Variants in NDST3 observed in about 807,000 individuals in gnomAD.
The protein encoded by NDST3 is N-deacetylase and N-sulfotransferase 3.
In NDST3, 58 loss-of-function variants were observed where a neutral mutation model predicts 96.1. The ratio of observed to expected loss-of-function variants is 0.60; its 90% confidence interval spans 0.49 to 0.75. NDST3 has a LOEUF of 0.75. Among genes scored for constraint, NDST3 ranks in the 30% least tolerant of loss-of-function variants. The pLI is 0.00. For synonymous variants in NDST3, 333 were observed against 359.7 expected, an observed-to-expected ratio of 0.93 and a Z score of 0.84; for missense variants, 788 against 1,034.2, an observed-to-expected ratio of 0.76 and a Z score of 3.27.
At chr4:118,058,346 A>ATGAG (rs1725601569) in intron 2 of NDST3, among the ~76,000 whole-genome samples, 1 of 150,504 alleles carries the variant, frequency 6.6e-6, no homozygotes, top group Non-Finnish European at 1.5e-5. Flanking sequence ...GTTGAATAAT[A>ATGAG]TGAGTATATT....
chr4:118,060,233 G>GC (rs1725784524), intron 2 of NDST3, among the ~76,000 whole-genome samples: 1 of 151,844 alleles, frequency 6.6e-6, no homozygotes, highest in Non-Finnish European at 1.5e-5. Flanking sequence ...GAAAATTATT[G>GC]CCTTCTATAT....
At chr4:118,246,885 T>C (rs963990840) in intron 12 of NDST3, among the ~76,000 whole-genome samples, 1 of 152,142 alleles carries the variant, frequency 6.6e-6, no homozygotes, top group Admixed American at 6.5e-5. Context: ...AAGGTGAGAT[T>C]TGGTGCGGAC....
chr4:118,137,477 A>T (rs1460429890), intron 4 of NDST3, among the ~76,000 whole-genome samples: 1 of 151,948 alleles, frequency 6.6e-6, no homozygotes, highest in Non-Finnish European at 1.5e-5. Context: ...AAAAAAAATT[A>T]CTCTGTTGAA....
intron 6 of NDST3, among the ~76,000 whole-genome samples, chr4:118,207,080 A>G (rs1738481063): frequency 7.0e-6 from 1 of 142,546 alleles, no homozygotes; most frequent in Non-Finnish European, 1.5e-5. Context: ...TTAAAAATTA[A>G]TATATTAAAT....
At chr4:118,179,956 GA>G (rs1736503683) in intron 6 of NDST3, among the ~76,000 whole-genome samples, 1 of 152,058 alleles carries the variant, frequency 6.6e-6, no homozygotes, top group African/African-American at 2.4e-5. Context: ...TCTTCAATGG[GA>G]AAATGAGGAT....
Position 118,143,595 on chromosome 4 carries a change from A to G in NDST3, c.1450A>G (p.Ile484Val), listed in dbSNP as rs757111328. ...AACCTGTGGGCTTTTCACTCACACC[A>G]TTTTCTACAAAGAATATCCAGGGGG... Reference protein sequence around the residue: ...RQTCGLFTHTIFYKEYPGGPK... With the variant: ...RQTCGLFTHTVFYKEYPGGPK... The change falls in exon 6 of 14, where the codon ATT becomes GTT. Residue 484 changes from isoleucine (I) to valine (V), a missense_variant. Ile to Val is a conservative substitution (Grantham distance 29). Around this residue, in one of 3 missense-constraint regions of NDST3, gnomAD observed 490 missense variants for 708.8 expected, o/e 0.69. Coordinates refer to ENST00000296499, the MANE Select transcript of NDST3 (RefSeq NM_004784.3). The G allele has an allele frequency of 6.2e-7, 1 of 1,609,454 alleles. No individual in the cohort carries two copies.
chr4:118,105,422 G>T (rs879204240), intron 3 of NDST3, among the ~76,000 whole-genome samples: 1 of 152,078 alleles, frequency 6.6e-6, no homozygotes, highest in Non-Finnish European at 1.5e-5. Context: ...TCAAGAAAGA[G>T]AACACTTCCA....
intron 6 of NDST3, among the ~76,000 whole-genome samples, chr4:118,164,575 C>T (rs1735418677): frequency 6.6e-6 from 1 of 152,016 alleles, no homozygotes; most frequent in African/African-American, 2.4e-5. Context: ...ACAAGAAATG[C>T]TAAAAGGAGT....
intron 6 of NDST3, among the ~76,000 whole-genome samples, chr4:118,218,791 C>T (rs1203617577): frequency 6.6e-6 from 1 of 152,050 alleles, no homozygotes; most frequent in African/African-American, 2.4e-5. Flanking sequence ...ACTTAGAAAA[C>T]CCCATCGTCT....
intron 6 of NDST3, among the ~76,000 whole-genome samples, chr4:118,220,542 C>A (rs1381952654): frequency 6.6e-6 from 1 of 151,950 alleles, no homozygotes; most frequent in Non-Finnish European, 1.5e-5. Context: ...AGGCAGCAAA[C>A]CACCATGGCA....
In NDST3 at chr4:118,207,401, C is replaced by T. The variant is rs186282278; in HGVS notation, c.1540-17090C>T. On this transcript the variant is annotated intron_variant, in intron 6 of 13. Transcript: ENST00000296499. ...TATTATGCCATGTTATGGCATGAAGCAGATGAGTGTAGATTTGCGTGCTTT... is the reference window on the plus strand; with the variant it reads ...TATTATGCCATGTTATGGCATGAAGTAGATGAGTGTAGATTTGCGTGCTTT... Among the ~76,000 whole-genome samples the T allele has an allele frequency of 1.2e-3, 172 of 144,740 alleles. 11 individuals are homozygous for T. The East Asian group carries it at 0.033, about 28-fold the overall frequency. 95.0% of individuals were successfully genotyped at this position (144,740 alleles called of 152,430 possible).
At chr4:118,184,958 T>C (rs1406866217) in intron 6 of NDST3, among the ~76,000 whole-genome samples, 1 of 152,108 alleles carries the variant, frequency 6.6e-6, no homozygotes, top group East Asian at 1.9e-4. Context: ...GGCAAATAAA[T>C]TGAGGCACAA....
At chr4:118,038,851 G>A (rs187036967) in intron 1 of NDST3, among the ~76,000 whole-genome samples, 141 of 152,068 alleles carry the variant, frequency 9.3e-4, no homozygotes, top group Non-Finnish European at 1.9e-4. Context: ...TTCTTGTACT[G>A]CCAACTTTAA....
At chr4:118,127,360 A>G (rs1308817573) in intron 4 of NDST3, among the ~76,000 whole-genome samples, 1 of 151,860 alleles carries the variant, frequency 6.6e-6, no homozygotes, top group African/African-American at 2.4e-5. Context: ...TATTGGTTTG[A>G]TTTTTGTATA....
intron 6 of NDST3, among the ~76,000 whole-genome samples, chr4:118,171,944 C>T (rs1393258202): frequency 6.6e-6 from 1 of 152,126 alleles, no homozygotes; most frequent in East Asian, 1.9e-4. Flanking sequence ...AACATACACA[C>T]CTCAGTTGTC....
chr4:118,046,899 G>A (rs951653302), intron 1 of NDST3, among the ~76,000 whole-genome samples: 2 of 136,762 alleles, frequency 1.5e-5, no homozygotes, highest in Non-Finnish European at 3.2e-5. Context: ...TGCAACTTCG[G>A]ACCAGGGAGC....
chr4:118,095,642 A>G (rs898088693), intron 2 of NDST3, among the ~76,000 whole-genome samples: 2 of 151,770 alleles, frequency 1.3e-5, no homozygotes, highest in Non-Finnish European at 2.9e-5. Context: ...CATTCAGCAT[A>G]TTCACAGTAT....
chr4:118,245,528 C>T (rs558396625), intron 12 of NDST3, among the ~76,000 whole-genome samples: 21 of 152,166 alleles, frequency 1.4e-4, no homozygotes, highest in African/African-American at 4.6e-4. Context: ...TCCTTGGCAA[C>T]GAAATTTATA....
chr4:118,163,603 G>A (rs1013933879), intron 6 of NDST3, among the ~76,000 whole-genome samples: 7 of 152,190 alleles, frequency 4.6e-5, no homozygotes, highest in Admixed American at 3.9e-4. Flanking sequence ...GACTGTTGTG[G>A]GGTCGGGGGA....
Sources: gnomAD v4.1 joint callset for allele counts (sites outside exome capture counted in the v4.1 genomes callset) on GRCh38, gnomAD v4.1.1 for gene constraint, gnomAD v4.1.1 regional missense constraint, MANE v1.5 for transcripts, NCBI Gene and HGNC (gene_info 2026-07-23, HGNC 2026-07-21) for gene names.